The following RNF125 variants were observed in gnomAD, a reference collection of about 807,000 sequenced individuals.
The protein encoded by RNF125 is E3 ubiquitin-protein ligase RNF125.
Under a neutral mutation model 26.0 loss-of-function variants are expected in RNF125, and 21 were observed. The ratio of observed to expected loss-of-function variants is 0.81; its 90% CI spans 0.57 to 1.16. RNF125 has a LOEUF of 1.16. Ranked by LOEUF, RNF125 falls within the 50% of genes most tolerant of loss-of-function variation. RNF125 has a pLI of 0.00. For synonymous variants in RNF125, 95 were observed against 109.2 expected, an observed-to-expected ratio of 0.87 and a Z score of 0.81; for missense variants, 270 against 299.4, an observed-to-expected ratio of 0.90 and a Z score of 0.72.
chr18:32,073,754 C>T (rs534668265), downstream of RNF125, among the ~76,000 whole-genome samples: 3 of 152,224 alleles, frequency 2.0e-5, no homozygotes, highest in Non-Finnish European at 2.9e-5. Flanking sequence ...GTGTTACTGA[C>T]GAAACCTCTG....
At chr18:32,051,165 C>G (rs569077906) in intron 4 of RNF125, among the ~76,000 whole-genome samples, 1 of 152,178 alleles carries the variant, frequency 6.6e-6, no homozygotes, top group African/African-American at 2.4e-5. Flanking sequence ...GTATTTACCA[C>G]AACTTATAAT....
chr18:32,051,570 A>T (rs1261077060), intron 4 of RNF125, among the ~76,000 whole-genome samples: 1 of 144,240 alleles, frequency 6.9e-6, no homozygotes, highest in Non-Finnish European at 1.5e-5. Context: ...AGCCAAAATC[A>T]TGCCATTGCA....
chr18:32,050,878 T>C (rs1228863849), intron 4 of RNF125, among the ~76,000 whole-genome samples: 30 of 119,934 alleles, frequency 2.5e-4, no homozygotes, highest in South Asian at 1.2e-3. Flanking sequence ...TTTTTTTTTT[T>C]TTTTTTTTTT....
downstream of RNF125, chr18:32,076,108 A>T (rs1219019973): frequency 6.3e-6 from 4 of 634,332 alleles, 1 homozygote; most frequent in African/African-American, 7.3e-5. Context: ...CCCAGCTCTG[A>T]TCATCAATGA....
rs60264747 is a variant in RNF125, at chr18:32,041,620, C to CTTTTTTTTTTTTTTTTTTTTTTTT, written c.319-554_319-531dup. On this transcript the variant is annotated intron_variant, in intron 2 of 5. Coordinates refer to ENST00000217740, the MANE Select transcript of RNF125 (RefSeq NM_017831.4). ...CTATCTACTTTAAAAAATGTAGATG[C>CTTTTTTTTTTTTTTTTTTTTTTTT]TTTTTTTTTTTTTTTTTTTTTTTTT... 2.1e-5 allele frequency among the ~76,000 whole-genome samples: 2 copies of CTTTTTTTTTTTTTTTTTTTTTTTT among 93,280 alleles called. 1 individual carries two copies. 61.2% of individuals were successfully genotyped at this position (93,280 alleles called of 152,430 possible). A position where few individuals can be genotyped will look rare whatever the true frequency, so the allele number is the denominator to read the frequency against.
rs2039228416 is a variant in RNF125, at chr18:32,042,276, T to G, written c.413+3T>G. On this transcript the variant is annotated splice_donor_region_variant and intron_variant, in intron 3 of 5. Coordinates refer to ENST00000217740, the MANE Select transcript of RNF125 (RefSeq NM_017831.4). ...GAACTTGAGGAGACAGCAGCAAGGT[T>G]TGTTTCAATACAATATAGTTTAATG... 6.3e-7 allele frequency: 1 copy of G among 1,582,216 alleles called. No individual in the cohort carries two copies. The highest frequency in any genetic ancestry group is 8.7e-7 in the Non-Finnish European group (1 of 1,152,068).
chr18:32,035,919 G>A (rs1431832831), intron 1 of RNF125, among the ~76,000 whole-genome samples: 3 of 152,212 alleles, frequency 2.0e-5, no homozygotes, highest in Non-Finnish European at 4.4e-5. Flanking sequence ...TTGGGAGGCT[G>A]AGGCAGGTGG....
chr18:32,024,187 C>T (rs2039011084), intron 1 of RNF125, among the ~76,000 whole-genome samples: 1 of 144,030 alleles, frequency 6.9e-6, no homozygotes, highest in Non-Finnish European at 1.5e-5. Flanking sequence ...ACACTTCATG[C>T]CATTCTTTTT....
intron 4 of RNF125, among the ~76,000 whole-genome samples, chr18:32,055,380 T>G (rs548599472): frequency 1.3e-5 from 2 of 152,186 alleles, no homozygotes; most frequent in African/African-American, 4.8e-5. Flanking sequence ...CCGGTATTCA[T>G]TCTCACACTG....
the RNF125 span, among the ~76,000 whole-genome samples, chr18:32,081,137 T>C: frequency 1.4e-5 from 2 of 141,874 alleles, no homozygotes; most frequent in East Asian, 4.1e-4. Context: ...GAGGTTGCAG[T>C]GAGCCAAGAT....
chr18:32,054,384 C>T (rs945062641), intron 4 of RNF125, among the ~76,000 whole-genome samples: 3 of 152,172 alleles, frequency 2.0e-5, no homozygotes, highest in African/African-American at 7.2e-5. Context: ...TGAGCCACCG[C>T]ATCTGCCCTG....
intron 1 of RNF125, among the ~76,000 whole-genome samples, chr18:32,019,496 C>A (rs1415018100): frequency 6.6e-6 from 1 of 152,196 alleles, no homozygotes; most frequent in African/African-American, 2.4e-5. Flanking sequence ...AACCCGGGTC[C>A]GTTTTGTTTT....
In RNF125 at chr18:32,070,607, T is replaced by C. The variant is rs983489198; in HGVS notation, c.*2223T>C. 1 of 152,198 alleles carries C rather than the reference T, an allele frequency of 6.6e-6. No homozygotes were observed. The highest frequency in any genetic ancestry group is 1.5e-5 in the Non-Finnish European group (1 of 68,038). The allele number at this position is 152,198 out of a possible 1,614,324, so 9.4% of individuals were successfully genotyped here. A position where few individuals can be genotyped will look rare whatever the true frequency, so the allele number is the denominator to read the frequency against. ...TCATTTCTTTTATTTATCTTACACT[T>C]ACAGCTGTCTCAGAATAACAATAGA... On this transcript the variant is annotated 3_prime_UTR_variant, in exon 6 of 6. Coordinates refer to ENST00000217740, the MANE Select transcript of RNF125 (RefSeq NM_017831.4).
chr18:32,027,307 T>C (rs749577338), intron 1 of RNF125, among the ~76,000 whole-genome samples: 18 of 152,058 alleles, frequency 1.2e-4, no homozygotes, highest in Non-Finnish European at 2.4e-4. Flanking sequence ...TTTAACTTTG[T>C]TTTAAATCTG....
chr18:32,042,257 G>C lies in RNF125; in HGVS notation c.397G>C (p.Glu133Gln). ...IDKYGPLQELEETAARCVCPF... is the reference protein window; with the variant it reads ...IDKYGPLQELQETAARCVCPF... ...TAAGTATGGACCACTACAAGAACTT[G>C]AGGAGACAGCAGCAAGGTTTGTTTC... Residue 133 changes from glutamate to glutamine, a missense_variant, in exon 3 of 6, where the codon GAG (glutamate) becomes CAG (glutamine). Coordinates refer to ENST00000217740, the MANE Select transcript of RNF125 (RefSeq NM_017831.4). 2.5e-6 allele frequency: 4 copies of C among 1,610,844 alleles called. No homozygotes were observed. The South Asian group carries it at 4.4e-5, about 18-fold the overall frequency.
chr18:32,026,977 G>C (rs957783397), intron 1 of RNF125, among the ~76,000 whole-genome samples: 5 of 152,154 alleles, frequency 3.3e-5, no homozygotes, highest in Admixed American at 3.3e-4. Flanking sequence ...TATTCTCTAG[G>C]GTTTAAGACA....
chr18:32,032,435 A>ACT (rs1177999593), intron 1 of RNF125, among the ~76,000 whole-genome samples: 1 of 150,574 alleles, frequency 6.6e-6, no homozygotes, highest in African/African-American at 2.4e-5. Flanking sequence ...CTGGTCTCGA[A>ACT]CTCCTGACCT....
Position 32,073,092 on chromosome 18 carries a change from G to C in RNF125, c.*4708G>C, listed in dbSNP as rs940264654. ...TTTATTATTCAACTACAAAAAAATA[G>C]TGTAATGATCAGAATTTAAAATGTG... is the stretch of plus-strand genomic sequence containing the variant. On this transcript the variant is annotated 3_prime_UTR_variant, in exon 6 of 6. Transcript: ENST00000217740. 20 of 152,146 alleles carry C rather than the reference G, an allele frequency of 1.3e-4. No individual in the cohort carries two copies. Among genetic ancestry groups the C allele is most frequent in the African/African-American group, 4.8e-4 (20 of 41,442 alleles). The allele number at this position is 152,146 out of a possible 1,614,324, so 9.4% of individuals were successfully genotyped here.
At chr18:32,027,484 A>G (rs1404344979) in intron 1 of RNF125, among the ~76,000 whole-genome samples, 1 of 152,224 alleles carries the variant, frequency 6.6e-6, no homozygotes, top group Non-Finnish European at 1.5e-5. Flanking sequence ...CAATACAAGA[A>G]CTAATTTATA....
Sources: gnomAD v4.1 joint callset for allele counts (sites outside exome capture counted in the v4.1 genomes callset) on GRCh38, gnomAD v4.1.1 for gene constraint, MANE v1.5 for transcripts, NCBI Gene and HGNC (gene_info 2026-07-23, HGNC 2026-07-21) for gene names.